The following MTFR2 variants were observed in gnomAD, a reference collection of about 807,000 sequenced individuals.
MTFR2 encodes the protein DUF729 domain-containing protein 1.
In MTFR2, 44 loss-of-function variants were observed where a neutral mutation model predicts 41.2. The ratio of observed to expected loss-of-function variants is 1.07; its 90% CI spans 0.84 to 1.37. The LOEUF (loss-of-function observed/expected upper bound fraction) is 1.37. Ranked by LOEUF, MTFR2 falls within the 40% of genes most tolerant of loss-of-function variation. The pLI, the probability that MTFR2 is intolerant of heterozygous loss-of-function variation, is 0.00. For missense variants in MTFR2, 452 were observed against 459.5 expected, an observed-to-expected ratio of 0.98 and a Z score of 0.15; for synonymous variants, 141 against 154.6, an observed-to-expected ratio of 0.91 and a Z score of 0.65.
At chr6:136,240,899 G>C (rs918735685) in intron 5 of MTFR2, among the ~76,000 whole-genome samples, 1 of 152,120 alleles carries the variant, frequency 6.6e-6, no homozygotes, top group Non-Finnish European at 1.5e-5. Flanking sequence ...AGACCATCCT[G>C]GCTAACACGG....
chr6:136,240,884 G>A (rs1562210783), intron 5 of MTFR2, among the ~76,000 whole-genome samples: 1 of 152,172 alleles, frequency 6.6e-6, no homozygotes, highest in Non-Finnish European at 1.5e-5. Flanking sequence ...GAGGTCAGGA[G>A]ATCGAGACCA....
At chr6:136,244,972 A>G (rs1780178218) in intron 2 of MTFR2, 103 bp from the exon 3 acceptor site, 1 of 648,878 alleles carries the variant, frequency 1.5e-6, no homozygotes, top group African/African-American at 2.0e-5. Context: ...ACGCAGTGGC[A>G]TTTTTTTTTT....
At chr6:136,240,071 A>G (rs528152764) in intron 5 of MTFR2, among the ~76,000 whole-genome samples, 3 of 152,066 alleles carry the variant, frequency 2.0e-5, no homozygotes, top group Admixed American at 2.0e-4. Flanking sequence ...ATGCATCTTA[A>G]ACAAACAAAA....
At chr6:136,241,714 T>C (rs1435297958) in intron 4 of MTFR2, 38 bp from the exon 5 acceptor site, 2 of 1,482,872 alleles carry the variant, frequency 1.3e-6, no homozygotes, top group Non-Finnish European at 1.9e-6. Context: ...AGGGAAGATA[T>C]ATTTCCAATC....
chr6:136,247,673 T>C, intron 2 of MTFR2: 1 of 398,588 alleles, frequency 2.5e-6, no homozygotes, highest in South Asian at 1.9e-5. Flanking sequence ...CCACCTCCCT[T>C]CCTGATATTC....
chr6:136,243,650 C>CTGCAGTG (rs1780140759), intron 3 of MTFR2, among the ~76,000 whole-genome samples: 1 of 151,264 alleles, frequency 6.6e-6, no homozygotes, highest in Admixed American at 6.6e-5. Flanking sequence ...GAGGTTGAGG[C>CTGCAGTG]TGCAGTGAGC....
chr6:136,232,055 T>C (rs1779772805), intron 7 of MTFR2, among the ~76,000 whole-genome samples: 1 of 152,180 alleles, frequency 6.6e-6, no homozygotes, highest in South Asian at 2.1e-4. Context: ...AAATTAAACA[T>C]TTATTTTAGA....
intron 5 of MTFR2, among the ~76,000 whole-genome samples, chr6:136,241,020 G>A (rs1006062450): frequency 2.7e-5 from 4 of 150,174 alleles, no homozygotes; most frequent in Non-Finnish European, 4.4e-5. Context: ...GAACCCGGGA[G>A]GTGGAGCTTG....
intron 6 of MTFR2, among the ~76,000 whole-genome samples, chr6:136,238,141 A>G (rs1176641776): frequency 6.6e-6 from 1 of 152,258 alleles, no homozygotes; most frequent in Non-Finnish European, 1.5e-5. Context: ...GCACACCCAC[A>G]TTCATTGCAG....
chr6:136,241,024 G>T, intron 5 of MTFR2, among the ~76,000 whole-genome samples: 2 of 151,486 alleles, frequency 1.3e-5, no homozygotes, highest in South Asian at 4.2e-4. Flanking sequence ...CCGGGAGGTG[G>T]AGCTTGCAGT....
At chr6:136,246,291 GTTTTTTT>G (rs992612321) in intron 2 of MTFR2, among the ~76,000 whole-genome samples, 1 of 147,324 alleles carries the variant, frequency 6.8e-6, no homozygotes, top group Admixed American at 6.8e-5. Flanking sequence ...GCTTTTTGAG[GTTTTTTT>G]TTTGAGATGG....
chr6:136,234,322 AC>A (rs1437570577), intron 6 of MTFR2, among the ~76,000 whole-genome samples: 1 of 150,968 alleles, frequency 6.6e-6, no homozygotes, highest in East Asian at 1.9e-4. Flanking sequence ...AAAAAAAAAA[AC>A]TAAATTAAAA....
intron 5 of MTFR2, among the ~76,000 whole-genome samples, chr6:136,240,296 T>G (rs1355886459): frequency 1.3e-5 from 2 of 152,106 alleles, no homozygotes; most frequent in Admixed American, 6.6e-5. Flanking sequence ...CATAAAGGAC[T>G]GTGGGTAAAC....
Position 136,242,827 on chromosome 6 carries a change from T to C in MTFR2, c.281+34A>G, listed in dbSNP as rs368063262. 854 of 1,520,920 alleles carry C rather than the reference T, an allele frequency of 5.6e-4. 19 individuals carry two copies. In the South Asian group the frequency reaches 7.8e-3, roughly 14 times the overall value. The allele number at this position is 1,520,920 out of a possible 1,614,324, so 94.2% of individuals were successfully genotyped here. A position where few individuals can be genotyped will look rare whatever the true frequency, so the allele number is the denominator to read the frequency against. On this transcript the variant is annotated intron_variant, in intron 4 of 7. Transcript: ENST00000420702. ...TCGACACATGCAAGAATTCAGTTTA[T>C]AGCCCACTTCCCAAGATAAGCATAT...
At chr6:136,243,302 G>A (rs2128458879) in intron 3 of MTFR2, among the ~76,000 whole-genome samples, 1 of 152,300 alleles carries the variant, frequency 6.6e-6, no homozygotes, top group Middle Eastern at 3.4e-3. Context: ...ATCATGGACT[G>A]CATATACATG....
chr6:136,233,469 C>T lies in MTFR2; in HGVS notation c.900G>A (p.Arg300=), dbSNP rs780603654. 14 of 1,576,632 alleles carry T rather than the reference C, an allele frequency of 8.9e-6. No homozygotes were observed. Among genetic ancestry groups the T allele is most frequent in the Middle Eastern group, 1.9e-4 (1 of 5,388 alleles). ...RSPGGRPIHK[R]KRQNSHWDPV... ...GATCCCAATGTGAATTCTGTCTTTT[C>T]CTCTTATGAATGGGTCTACCGCCAG... The change falls in exon 7 of 8, where the codon AGG becomes AGA. Residue 300 remains arginine, a synonymous_variant. Transcript: ENST00000420702.
intron 5 of MTFR2, 84 bp downstream of exon 5, chr6:136,241,360 C>T: frequency 1.9e-6 from 2 of 1,031,562 alleles, no homozygotes; most frequent in South Asian, 3.1e-5. Flanking sequence ...GTACTATATT[C>T]AGTACAGTAT....
chr6:136,241,093 A>AC, intron 5 of MTFR2, among the ~76,000 whole-genome samples: 1 of 150,878 alleles, frequency 6.6e-6, no homozygotes, highest in East Asian at 1.9e-4. Flanking sequence ...TGCGTCTCAA[A>AC]AAAAAAAAAA....
At chr6:136,241,359 T>G (rs1056036403) in intron 5 of MTFR2, 85 bp downstream of exon 5, 6 of 1,019,244 alleles carry the variant, frequency 5.9e-6, no homozygotes, top group African/African-American at 4.8e-5. Context: ...CGTACTATAT[T>G]CAGTACAGTA....
Sources: allele counts gnomAD v4.1 joint callset (sites outside exome capture counted in the v4.1 genomes callset), GRCh38; gene constraint gnomAD v4.1.1; transcripts MANE v1.5; gene names NCBI Gene and HGNC (gene_info 2026-07-23, HGNC 2026-07-21).